Variants in RALGAPA2 observed in about 807,000 individuals in gnomAD.
RALGAPA2 encodes the protein ral GTPase-activating protein subunit alpha-2.
Under a neutral mutation model 230.4 loss-of-function variants are expected in RALGAPA2, and 139 were observed. That is an observed-to-expected ratio of 0.60 (90% CI 0.53 to 0.69). The LOEUF (loss-of-function observed/expected upper bound fraction) is 0.69. RALGAPA2 is among the 30% of genes least tolerant of loss of function. RALGAPA2 has a pLI of 0.00. For synonymous variants in RALGAPA2, 847 were observed against 837.8 expected, an observed-to-expected ratio of 1.01 and a Z score of -0.19; for missense variants, 2,163 against 2,276.0, an observed-to-expected ratio of 0.95 and a Z score of 1.01.
intron 11 of RALGAPA2, among the ~76,000 whole-genome samples, chr20:20,620,103 T>C (rs1479070370): frequency 6.6e-6 from 1 of 152,226 alleles, no homozygotes; most frequent in Non-Finnish European, 1.5e-5. Context: ...TCAATTTAGT[T>C]TCTCCAAAAG....
intron 38 of RALGAPA2, among the ~76,000 whole-genome samples, chr20:20,407,278 T>C (rs1322553749): frequency 6.6e-6 from 1 of 152,200 alleles, no homozygotes; most frequent in African/African-American, 2.4e-5. Context: ...AAAACCGTAT[T>C]AAGACCACTT....
At chr20:20,560,589 T>C (rs2064227936) in intron 23 of RALGAPA2, among the ~76,000 whole-genome samples, 1 of 152,250 alleles carries the variant, frequency 6.6e-6, no homozygotes, top group Non-Finnish European at 1.5e-5. Flanking sequence ...AATGCTTTTC[T>C]TGACATTATA....
intron 27 of RALGAPA2, among the ~76,000 whole-genome samples, chr20:20,529,284 G>C (rs73290955): frequency 2.0e-4 from 30 of 152,266 alleles, no homozygotes; most frequent in Middle Eastern, 3.4e-3. Flanking sequence ...CTATCCAGAG[G>C]GGGGAGGATT....
In RALGAPA2 at chr20:20,583,849, T is replaced by C. The variant is rs75169812; in HGVS notation, c.2531-623A>G. On this transcript the variant is annotated intron_variant, in intron 19 of 39. Coordinates refer to ENST00000202677, the MANE Select transcript of RALGAPA2 (RefSeq NM_020343.4). ...GACATAAAATGAACCTAGACACTTC[T>C]GCTTCTCAGAGTCTCCTGTCTACTT... Among the ~76,000 whole-genome samples, 94 of 152,348 alleles carry C rather than the reference T, an allele frequency of 6.2e-4. 2 individuals are homozygous for C. The East Asian group carries it at 0.013, about 22-fold the overall frequency.
In RALGAPA2 at chr20:20,704,915, A is replaced by T. The variant is rs79361644; in HGVS notation, c.106+7460T>A. 8.5e-3 allele frequency among the ~76,000 whole-genome samples: 1,300 copies of T among 152,270 alleles called. 17 individuals are homozygous for T. The highest frequency in any genetic ancestry group is 0.03 in the African/African-American group (1,236 of 41,542). ...TCATCCCCAACTTGTCCATCTGGTA[A>T]AATCCTTTATCCATTATTCAAAACC... On this transcript the variant is annotated intron_variant, in intron 1 of 39. Coordinates refer to ENST00000202677, the MANE Select transcript of RALGAPA2 (RefSeq NM_020343.4).
At chr20:20,491,885 G>A (rs574058132) in intron 36 of RALGAPA2, among the ~76,000 whole-genome samples, 8 of 151,922 alleles carry the variant, frequency 5.3e-5, no homozygotes, top group Middle Eastern at 3.4e-3. Flanking sequence ...GAAGTGAACA[G>A]GCCCACTCAG....
chr20:20,697,510 T>C (rs1486287192), intron 1 of RALGAPA2, among the ~76,000 whole-genome samples: 4 of 152,094 alleles, frequency 2.6e-5, no homozygotes, highest in Non-Finnish European at 5.9e-5. Flanking sequence ...AGCAGTTCTG[T>C]TGTGGGAGGT....
At chr20:20,691,031 C>T (rs1346199873) in intron 1 of RALGAPA2, among the ~76,000 whole-genome samples, 3 of 152,116 alleles carry the variant, frequency 2.0e-5, no homozygotes, top group Non-Finnish European at 4.4e-5. Flanking sequence ...ATGAGGTTGT[C>T]CTCTACCCTA....
chr20:20,437,536 T>TG lies in RALGAPA2; in HGVS notation c.5496-25389dup, dbSNP rs2060642629. On this transcript the variant is annotated intron_variant, in intron 37 of 39. Coordinates refer to ENST00000202677, the MANE Select transcript of RALGAPA2 (RefSeq NM_020343.4). The surrounding 1 kb of genome is among the most constrained non-coding windows in gnomAD (Gnocchi z 4.1). ...TGTGGCTGGCAAGGCCCTGCCCCAC[T>TG]GGGTGCCTGCCCCTGCTGTCACCTC... Among the ~76,000 whole-genome samples the TG allele has an allele frequency of 6.6e-6, 1 of 152,186 alleles. No individual in the cohort carries two copies. The highest frequency in any genetic ancestry group is 1.5e-5 in the Non-Finnish European group (1 of 68,032).
rs893922944 is a variant in RALGAPA2 at position 20,589,480 on chromosome 20, A to T, written c.2342-115T>A. On this transcript the variant is annotated intron_variant, in intron 17 of 39. Transcript: ENST00000202677. ...TAAATTTAAATATTCTAAGGTATGT[A>T]AAAACAGGAGTTATGGGCCTGGCAA... 8.5e-6 allele frequency: 10 copies of T among 1,170,776 alleles called. No individual in the cohort carries two copies. The African/African-American group carries it at 1.6e-4, about 18-fold the overall frequency. 72.5% of individuals were successfully genotyped at this position (1,170,776 alleles called of 1,614,324 possible). A position where few individuals can be genotyped will look rare whatever the true frequency, so the allele number is the denominator to read the frequency against.
Position 20,513,019 on chromosome 20 carries a change from TC to T in RALGAPA2, c.4349del (p.Gly1450AspfsTer10). ...LQTPTEGPVG[G>X]SPVGSLSDVR... ...CATCAGAGAGAGAGCCCACTGGTGATCCCCCTACCGGTCCTTCTGTGGGTGT... is the reference window on the plus strand; with the variant it reads ...CATCAGAGAGAGAGCCCACTGGTGATCCCCTACCGGTCCTTCTGTGGGTGT... On this transcript the variant is annotated frameshift_variant, in exon 32 of 40. Transcript: ENST00000202677. LOFTEE classifies it high-confidence loss of function. 1 of 1,613,650 alleles carries T rather than the reference TC, an allele frequency of 6.2e-7. No homozygotes were observed. Among genetic ancestry groups the T allele is most frequent in the South Asian group, 1.1e-5 (1 of 91,036 alleles).
chr20:20,489,241 G>A (rs755761360), intron 36 of RALGAPA2, among the ~76,000 whole-genome samples: 2 of 152,132 alleles, frequency 1.3e-5, no homozygotes, highest in Non-Finnish European at 2.9e-5. Context: ...AGCAAAGAAG[G>A]AGGAGACTGT....
chr20:20,651,069 C>T (rs1317955285), intron 4 of RALGAPA2, among the ~76,000 whole-genome samples: 1 of 152,178 alleles, frequency 6.6e-6, no homozygotes, highest in Non-Finnish European at 1.5e-5. Flanking sequence ...GAAATAATAA[C>T]TTGCTTAGTT....
At chr20:20,571,744 A>G in intron 22 of RALGAPA2, 104 bp downstream of exon 22, 1 of 1,456,568 alleles carries the variant, frequency 6.9e-7, no homozygotes, top group Non-Finnish European at 9.4e-7. Flanking sequence ...AGTAAGACCC[A>G]GCCTGTCTTC....
intron 37 of RALGAPA2, among the ~76,000 whole-genome samples, chr20:20,414,500 G>A (rs965488077): frequency 3.9e-5 from 6 of 152,160 alleles, no homozygotes; most frequent in Admixed American, 3.9e-4. Flanking sequence ...GGGACGTTTT[G>A]CATAATACCA....
At chr20:20,506,042 C>T (rs914205037) in intron 33 of RALGAPA2, among the ~76,000 whole-genome samples, 12 of 152,198 alleles carry the variant, frequency 7.9e-5, no homozygotes, top group African/African-American at 2.9e-4. Context: ...AAATATGCCA[C>T]GATTTTATGA....
At chr20:20,393,614 G>A (rs751375830) in intron 39 of RALGAPA2, among the ~76,000 whole-genome samples, 3 of 152,186 alleles carry the variant, frequency 2.0e-5, no homozygotes, top group Non-Finnish European at 2.9e-5. Context: ...GGAAAAGCCC[G>A]TGAAACTTCA....
chr20:20,512,244 C>CACACACAT (rs1556256280), intron 32 of RALGAPA2, among the ~76,000 whole-genome samples: 13 of 148,472 alleles, frequency 8.8e-5, no homozygotes, highest in African/African-American at 3.0e-4. Context: ...CACACATACA[C>CACACACAT]ACACACACAC....
chr20:20,525,020 G>T, intron 28 of RALGAPA2, 122 bp from the exon 29 acceptor site: 1 of 812,770 alleles, frequency 1.2e-6, no homozygotes, highest in Non-Finnish European at 1.9e-6. Flanking sequence ...ACCACAGAAA[G>T]GTGATAAAAA....
Sources: gnomAD v4.1 joint callset for allele counts (sites outside exome capture counted in the v4.1 genomes callset) on GRCh38, gnomAD v4.1.1 for gene constraint, Gnocchi (gnomAD v3.1) non-coding constraint, MANE v1.5 for transcripts, NCBI Gene and HGNC (gene_info 2026-07-23, HGNC 2026-07-21) for gene names.